CAV1: variants seen among roughly 807,000 people sequenced by gnomAD.
CAV1 encodes the protein caveolin-1.
Under a neutral mutation model 16.5 loss-of-function variants are expected in CAV1, and 10 were observed. The observed-to-expected ratio is 0.61, with a 90% CI of 0.37 to 1.03. The LOEUF is 1.03. CAV1 is among the 50% of genes least tolerant of loss of function. CAV1 has a pLI of 0.01. For synonymous variants in CAV1, 76 were observed against 85.1 expected, an observed-to-expected ratio of 0.89 and a Z score of 0.59; for missense variants, 212 against 232.8, an observed-to-expected ratio of 0.91 and a Z score of 0.58.
At chr7:116,549,914 A>G (rs1794126390) in intron 2 of CAV1, among the ~76,000 whole-genome samples, 1 of 152,204 alleles carries the variant, frequency 6.6e-6, no homozygotes, top group South Asian at 2.1e-4. Flanking sequence ...AGGTGACTAC[A>G]TTTAGTCACT....
intron 2 of CAV1, among the ~76,000 whole-genome samples, chr7:116,558,267 A>G (rs996933539): frequency 2.6e-5 from 4 of 152,176 alleles, no homozygotes; most frequent in Non-Finnish European, 5.9e-5. Flanking sequence ...CATTGTACTG[A>G]GTGCCTCGTA....
At chr7:116,544,351 G>A (rs1271757881) in intron 2 of CAV1, among the ~76,000 whole-genome samples, 1 of 152,076 alleles carries the variant, frequency 6.6e-6, no homozygotes, top group East Asian at 1.9e-4. Flanking sequence ...ATATAACTTA[G>A]TAAATAGCAG....
chr7:116,548,534 G>C (rs1050251642), intron 2 of CAV1, among the ~76,000 whole-genome samples: 10 of 152,184 alleles, frequency 6.6e-5, no homozygotes, highest in African/African-American at 2.2e-4. Flanking sequence ...GTTAGAGAAG[G>C]CATGTTTTAC....
intron 2 of CAV1, among the ~76,000 whole-genome samples, chr7:116,527,874 A>G (rs1490945647): frequency 6.6e-6 from 1 of 152,226 alleles, no homozygotes; most frequent in Non-Finnish European, 1.5e-5. Context: ...GGAAGGGAAA[A>G]AAAAACTGTC....
At chr7:116,534,535 G>A (rs6943876) in intron 2 of CAV1, among the ~76,000 whole-genome samples, 114,374 of 146,718 alleles carry the variant, frequency 0.78, 45,596 homozygotes, top group East Asian at 0.95. Flanking sequence ...AAGTAGCTGG[G>A]ACTACAGGCG....
At chr7:116,526,239 G>T (rs1793555312) in intron 1 of CAV1, 2 of 1,088,974 alleles carry the variant, frequency 1.8e-6, no homozygotes, top group African/African-American at 1.7e-5. Flanking sequence ...CGGACCGCGC[G>T]GCGGGGCCTG....
chr7:116,557,751 G>T (rs1794319823), intron 2 of CAV1, among the ~76,000 whole-genome samples: 1 of 151,728 alleles, frequency 6.6e-6, no homozygotes, highest in Admixed American at 6.6e-5. Context: ...TCCAGTCCTG[G>T]CCCTTCAAAC....
At chr7:116,536,365 T>G (rs764051382) in intron 2 of CAV1, among the ~76,000 whole-genome samples, 3 of 152,194 alleles carry the variant, frequency 2.0e-5, no homozygotes, top group Non-Finnish European at 4.4e-5. Context: ...TTATAACCCT[T>G]GTCTCTGAAG....
At chr7:116,538,233 T>C (rs771783826) in intron 2 of CAV1, among the ~76,000 whole-genome samples, 1 of 152,234 alleles carries the variant, frequency 6.6e-6, no homozygotes, top group African/African-American at 2.4e-5. Flanking sequence ...GAAATGCCTA[T>C]GGAATATGGC....
At chr7:116,539,325 C>T (rs1171084967) in intron 2 of CAV1, among the ~76,000 whole-genome samples, 1 of 152,182 alleles carries the variant, frequency 6.6e-6, no homozygotes, top group Non-Finnish European at 1.5e-5. Context: ...GTGCCTGTAT[C>T]CTTCAAGCAG....
At chr7:116,540,343 A>C (rs1793910439) in intron 2 of CAV1, among the ~76,000 whole-genome samples, 1 of 152,168 alleles carries the variant, frequency 6.6e-6, no homozygotes, top group Non-Finnish European at 1.5e-5. Flanking sequence ...CTTTTCCCAG[A>C]TATGTTTCCT....
chr7:116,546,702 A>AAAAAAAAAATAAAAAAT (rs1554356432), intron 2 of CAV1, among the ~76,000 whole-genome samples: 10 of 143,052 alleles, frequency 7.0e-5, no homozygotes, highest in Non-Finnish European at 9.2e-5. Context: ...TGTCACAAAA[A>AAAAAAAAAATAAAAAAT]AAAAAAAAAA....
At chr7:116,546,668 G>C (rs1794053194) in intron 2 of CAV1, among the ~76,000 whole-genome samples, 2 of 136,270 alleles carry the variant, frequency 1.5e-5, no homozygotes, top group Non-Finnish European at 3.1e-5. Flanking sequence ...TTGCACTTCA[G>C]ACTGGGCAAC....
intron 2 of CAV1, among the ~76,000 whole-genome samples, chr7:116,556,664 C>G (rs1794300411): frequency 6.6e-6 from 1 of 152,184 alleles, no homozygotes; most frequent in South Asian, 2.1e-4. Flanking sequence ...TCAAGGCAGA[C>G]CTGCTTCGGG....
rs906964028 is a variant in CAV1 at position 116,525,171 on chromosome 7, A to G, written c.30+79A>G. 17 of 1,613,262 alleles carry G rather than the reference A, an allele frequency of 1.1e-5. No homozygotes were observed. In the Admixed American group the frequency reaches 1.2e-4, roughly 11 times the overall value. Reference sequence around the variant, plus strand: ...GCTATCTGCCTCTCCAAATATCCCGACTGCTGCCCTGGCCCCAGCCCTCTC... The same window carrying G: ...GCTATCTGCCTCTCCAAATATCCCGGCTGCTGCCCTGGCCCCAGCCCTCTC... On this transcript the variant is annotated intron_variant, in intron 1 of 2. Transcript: ENST00000341049.
Position 116,559,529 on chromosome 7 carries a change from C to T in CAV1, c.*242C>T. The T allele has an allele frequency of 1.7e-6, 1 of 597,544 alleles. No individual in the cohort carries two copies. The highest frequency in any genetic ancestry group is 2.8e-5 in the East Asian group (1 of 36,208). 37.0% of individuals were successfully genotyped at this position (597,544 alleles called of 1,614,324 possible). A position where few individuals can be genotyped will look rare whatever the true frequency, so the allele number is the denominator to read the frequency against. On this transcript the variant is annotated 3_prime_UTR_variant, in exon 3 of 3. Coordinates refer to ENST00000341049, the MANE Select transcript of CAV1 (RefSeq NM_001753.5). Reference sequence around the variant, plus strand: ...ATTTTTTTCCTTACCTTTTTATTTGCATGTGGATCAACCATCGCTTTATTG... The same window carrying T: ...ATTTTTTTCCTTACCTTTTTATTTGTATGTGGATCAACCATCGCTTTATTG...
intron 2 of CAV1, among the ~76,000 whole-genome samples, chr7:116,545,216 C>T (rs576380798): frequency 1.3e-5 from 2 of 152,280 alleles, no homozygotes; most frequent in Admixed American, 1.3e-4. Flanking sequence ...TTGGGGGATG[C>T]TTCTGGCTCA....
At chr7:116,544,892 C>T (rs1794009876) in intron 2 of CAV1, among the ~76,000 whole-genome samples, 1 of 152,200 alleles carries the variant, frequency 6.6e-6, no homozygotes, top group Non-Finnish European at 1.5e-5. Flanking sequence ...AGGCACTGTC[C>T]CCTTTTCAGT....
At chr7:116,534,020 C>G (rs989261186) in intron 2 of CAV1, among the ~76,000 whole-genome samples, 3 of 151,852 alleles carry the variant, frequency 2.0e-5, no homozygotes, top group African/African-American at 2.4e-5. Flanking sequence ...AGTTTGAGAC[C>G]AGCCTGGCCA....
Sources: gnomAD v4.1 joint callset for allele counts (sites outside exome capture counted in the v4.1 genomes callset) on GRCh38, gnomAD v4.1.1 for gene constraint, MANE v1.5 for transcripts, NCBI Gene and HGNC (gene_info 2026-07-23, HGNC 2026-07-21) for gene names.